LANCL1: variants seen among roughly 807,000 people sequenced by gnomAD.
The protein encoded by LANCL1 is LanC like glutathione S-transferase 1.
A neutral mutation model predicts 50.6 loss-of-function variants in LANCL1; 50 were observed. That is an observed-to-expected ratio of 0.99 (90% CI 0.79 to 1.25). LANCL1 has a LOEUF of 1.25. Among genes scored for constraint, LANCL1 ranks in the 50% most tolerant of loss-of-function variants. LANCL1 has a pLI of 0.00. For synonymous variants in LANCL1, 188 were observed against 178.6 expected (o/e 1.05, Z -0.42); for missense variants, 532 against 480.7 (o/e 1.11, Z -1.00).
Position 210,436,362 on chromosome 2 carries a change from C to T in LANCL1, c.904G>A (p.Ala302Thr). ...CAGATCACATCAGCACACTGATAGG[C>T]ATCACAGAGATACTTTTCCTCTCTG... ...VFREEKYLCD[A>T]YQCADVIWQY... The change falls in exon 8 of 10, where the codon GCC (alanine) becomes ACC (threonine). Residue 302 changes from alanine to threonine, a missense_variant. Ala to Thr is a moderately conservative substitution (Grantham distance 58). Coordinates refer to ENST00000450366, the MANE Select transcript of LANCL1 (RefSeq NM_006055.3). The T allele has an allele frequency of 1.2e-6, 2 of 1,613,990 alleles. No homozygotes were observed. The highest frequency in any genetic ancestry group is 1.7e-6 in the Non-Finnish European group (2 of 1,179,924).
chr2:210,452,002 T>C (rs1331317941), intron 4 of LANCL1, among the ~76,000 whole-genome samples: 3 of 152,134 alleles, frequency 2.0e-5, no homozygotes, highest in East Asian at 1.9e-4. Flanking sequence ...AAGTAGAATA[T>C]AGATTACCAG....
At chr2:210,437,383 TA>T (rs1692969377) in intron 7 of LANCL1, among the ~76,000 whole-genome samples, 1 of 152,224 alleles carries the variant, frequency 6.6e-6, no homozygotes, top group Non-Finnish European at 1.5e-5. Context: ...CAATTATAAA[TA>T]ATGCCGTTAT....
intron 2 of LANCL1, among the ~76,000 whole-genome samples, chr2:210,475,949 A>T (rs753295861): frequency 6.6e-6 from 1 of 152,228 alleles, no homozygotes; most frequent in Non-Finnish European, 1.5e-5. Flanking sequence ...GCACTTGTGT[A>T]TAATCACAAA....
intron 4 of LANCL1, among the ~76,000 whole-genome samples, chr2:210,451,382 T>C (rs539611124): frequency 6.6e-5 from 10 of 152,182 alleles, no homozygotes; most frequent in African/African-American, 2.4e-4. Flanking sequence ...AGATGACAGG[T>C]TGATTGGTGC....
intron 2 of LANCL1, among the ~76,000 whole-genome samples, chr2:210,473,397 C>T (rs1378924820): frequency 6.6e-6 from 1 of 152,034 alleles, no homozygotes; most frequent in Non-Finnish European, 1.5e-5. Context: ...ACAACAACAA[C>T]AAAAACCCAA....
Position 210,433,751 on chromosome 2 carries a change from T to C in LANCL1, c.*736A>G, listed in dbSNP as rs1165627323. The C allele has an allele frequency of 6.6e-6, 1 of 152,218 alleles. No individual in the cohort carries two copies. Among genetic ancestry groups the C allele is most frequent in the East Asian group, 1.9e-4 (1 of 5,204 alleles). 9.4% of individuals were successfully genotyped at this position (152,218 alleles called of 1,614,324 possible). A position where few individuals can be genotyped will look rare whatever the true frequency, so the allele number is the denominator to read the frequency against. ...TTATTTTAGAGAAAACACAGACTGT[T>C]ATTGTTAGCTTATCTTAAACTAACC... On this transcript the variant is annotated 3_prime_UTR_variant, in exon 10 of 10. Transcript: ENST00000450366.
At chr2:210,453,401 T>C (rs546816030) in intron 4 of LANCL1, among the ~76,000 whole-genome samples, 53 of 152,222 alleles carry the variant, frequency 3.5e-4, no homozygotes, top group African/African-American at 1.2e-3. Flanking sequence ...CTCCCTAGAG[T>C]TGGCGTGTTG....
At chr2:210,448,104 A>G (rs1693400145) in intron 4 of LANCL1, among the ~76,000 whole-genome samples, 1 of 152,216 alleles carries the variant, frequency 6.6e-6, no homozygotes, top group African/African-American at 2.4e-5. Flanking sequence ...CATAATTGGA[A>G]GTAAAACATT....
chr2:210,433,882 AAAGT>A lies in LANCL1; in HGVS notation c.*601_*604del, dbSNP rs1284980359. On this transcript the variant is annotated 3_prime_UTR_variant, in exon 10 of 10. Transcript: ENST00000450366. ...TTACCGACAAAAACAGGCCAATCTGAAAGTATGTTTACCTCTAGTCCAAATAGGC... is the reference window on the plus strand; with the variant it reads ...TTACCGACAAAAACAGGCCAATCTGAATGTTTACCTCTAGTCCAAATAGGC... The A allele has an allele frequency of 2.0e-5, 3 of 152,184 alleles. No homozygotes were observed. 9.4% of individuals were successfully genotyped at this position (152,184 alleles called of 1,614,324 possible). A position where few individuals can be genotyped will look rare whatever the true frequency, so the allele number is the denominator to read the frequency against.
intron 4 of LANCL1, among the ~76,000 whole-genome samples, chr2:210,444,444 T>C (rs902803596): frequency 7.9e-5 from 12 of 152,136 alleles, no homozygotes; most frequent in Admixed American, 6.5e-4. Flanking sequence ...TGAGTGAAAG[T>C]GGCTGACAGT....
rs988156621 is a variant in LANCL1 at position 210,446,846 on chromosome 2, G to A, written c.408-5403C>T. Among the ~76,000 whole-genome samples the A allele has an allele frequency of 9.2e-5, 14 of 152,180 alleles. No homozygotes were observed. The East Asian group carries it at 2.3e-3, about 25-fold the overall frequency. On this transcript the variant is annotated intron_variant, in intron 4 of 9. Coordinates refer to ENST00000450366, the MANE Select transcript of LANCL1 (RefSeq NM_006055.3). ...GGAACGAAAGCCTCCAAGAAATAAC[G>A]GACTATGTGAAAAGATCAAACCTAC...
chr2:210,471,193 T>G (rs3856345), intron 3 of LANCL1, among the ~76,000 whole-genome samples: 1 of 151,284 alleles, frequency 6.6e-6, no homozygotes, highest in South Asian at 2.1e-4. Context: ...ACTACAGGTA[T>G]GAGCCACCAT....
chr2:210,459,655 C>T (rs1444640269), intron 3 of LANCL1, among the ~76,000 whole-genome samples: 4 of 152,070 alleles, frequency 2.6e-5, no homozygotes, highest in Non-Finnish European at 5.9e-5. Flanking sequence ...GATGTCATTC[C>T]GTACAAGAAG....
At chr2:210,456,202 T>C (rs2105910105) in intron 3 of LANCL1, among the ~76,000 whole-genome samples, 1 of 152,280 alleles carries the variant, frequency 6.6e-6, no homozygotes, top group African/African-American at 2.4e-5. Context: ...ACCCATTTTT[T>C]CCCTTGAAGT....
At chr2:210,435,003 A>G (rs574587164) in intron 9 of LANCL1, among the ~76,000 whole-genome samples, 4 of 152,194 alleles carry the variant, frequency 2.6e-5, no homozygotes, top group Non-Finnish European at 4.4e-5. Flanking sequence ...TCCCGGTGGA[A>G]GACTGGAGAA....
intron 3 of LANCL1, among the ~76,000 whole-genome samples, chr2:210,464,383 G>C (rs1693970724): frequency 6.6e-6 from 1 of 152,098 alleles, no homozygotes; most frequent in South Asian, 2.1e-4. Flanking sequence ...GGGAAAAAAA[G>C]GAGTCAGTTT....
intron 3 of LANCL1, among the ~76,000 whole-genome samples, chr2:210,470,637 T>G (rs930186603): frequency 6.6e-6 from 1 of 152,198 alleles, no homozygotes; most frequent in Non-Finnish European, 1.5e-5. Context: ...TTGGAGCATT[T>G]TGGATTTCAG....
At position 210,434,428 on chromosome 2, in the gene LANCL1, C is replaced by G; in HGVS notation, c.*59G>C. ...CTTGGAAAGCAACGGAAGCACTTAG[C>G]TTGGGTTTGAATATACAGAAAGGGT... On this transcript the variant is annotated 3_prime_UTR_variant, in exon 10 of 10. Coordinates refer to ENST00000450366, the MANE Select transcript of LANCL1 (RefSeq NM_006055.3). 7.5e-7 allele frequency: 1 copy of G among 1,329,182 alleles called. No homozygotes were observed. Among genetic ancestry groups the G allele is most frequent in the South Asian group, 1.3e-5 (1 of 76,764 alleles). 82.3% of individuals were successfully genotyped at this position (1,329,182 alleles called of 1,614,324 possible).
At chr2:210,441,682 T>C (rs1211884401) in intron 4 of LANCL1, among the ~76,000 whole-genome samples, 1 of 152,184 alleles carries the variant, frequency 6.6e-6, no homozygotes, top group African/African-American at 2.4e-5. Context: ...TGGCTGAGGC[T>C]ATCTGAAATC....
Sources: gnomAD v4.1 joint callset for allele counts (sites outside exome capture counted in the v4.1 genomes callset) on GRCh38, gnomAD v4.1.1 for gene constraint, MANE v1.5 for transcripts, NCBI Gene and HGNC (gene_info 2026-07-23, HGNC 2026-07-21) for gene names.